The following PARM1 variants were observed in gnomAD, a reference collection of about 807,000 sequenced individuals.
PARM1 encodes the protein prostate androgen-regulated mucin-like protein 1.
A neutral mutation model predicts 24.6 loss-of-function variants in PARM1; 14 were observed. That is an observed-to-expected ratio of 0.57 (90% CI 0.38 to 0.89). The LOEUF is 0.89. Among genes scored for constraint, PARM1 ranks in the 40% least tolerant of loss-of-function variants. The pLI, the probability that PARM1 is intolerant of heterozygous loss-of-function variation, is 0.00. For synonymous variants in PARM1, 179 were observed against 156.6 expected, an observed-to-expected ratio of 1.14 and a Z score of -1.07; for missense variants, 362 against 380.4, an observed-to-expected ratio of 0.95 and a Z score of 0.40.
intron 1 of PARM1, among the ~76,000 whole-genome samples, chr4:74,978,598 G>A (rs1227992081): frequency 6.6e-6 from 1 of 152,100 alleles, no homozygotes; most frequent in East Asian, 1.9e-4. Flanking sequence ...ACTCAGCTCT[G>A]GATCAAATGG....
At chr4:74,942,107 T>G (rs1721321162) in intron 1 of PARM1, among the ~76,000 whole-genome samples, 1 of 152,228 alleles carries the variant, frequency 6.6e-6, no homozygotes, top group African/African-American at 2.4e-5. Flanking sequence ...CTATCAAGTA[T>G]GTATACCAAC....
chr4:75,012,968 C>T lies in PARM1; in HGVS notation c.587C>T (p.Pro196Leu), dbSNP rs137870410. 1.4e-3 allele frequency: 2,291 copies of T among 1,613,942 alleles called. 3 individuals are homozygous for T. Among genetic ancestry groups the T allele is most frequent in the Non-Finnish European group, 1.7e-3 (2,045 of 1,179,870 alleles). The change falls in exon 2 of 4, where the codon CCG (proline) becomes CTG (leucine). Residue 196 changes from proline (P) to leucine (L), a missense_variant. By Grantham distance (98) the Pro-to-Leu change is moderately conservative. Coordinates refer to ENST00000307428, the MANE Select transcript of PARM1 (RefSeq NM_015393.4). ...PTGAPTAPES[P>L]TEESSSDHTP... ...GGAGCTCCAACTGCACCAGAGTCCC[C>T]GACAGAGGAGTCCAGCTCTGACCAC...
Position 75,013,110 on chromosome 4 carries a change from C to A in PARM1, c.729C>A (p.Pro243=). 1 of 1,613,858 alleles carries A rather than the reference C, an allele frequency of 6.2e-7. No homozygotes were observed. The highest frequency in any genetic ancestry group is 1.1e-5 in the South Asian group (1 of 91,072). Residue 243 remains proline (P), a synonymous_variant, in exon 2 of 4, where the codon CCC becomes CCA. Transcript: ENST00000307428. ...ACATGGAGACCACCACCACCTTTCC[C>A]AGGGTGATCATGCAGGAAGTAGAAC... is the stretch of plus-strand genomic sequence containing the variant. ...LIDMETTTTF[P]RVIMQEVEHA... is the part of the protein sequence containing the mutation.
At chr4:75,043,456 G>A (rs1305796094) in intron 3 of PARM1, among the ~76,000 whole-genome samples, 1 of 152,138 alleles carries the variant, frequency 6.6e-6, no homozygotes, top group East Asian at 1.9e-4. Flanking sequence ...GAAACAGGGG[G>A]TTAAAAACTT....
intron 1 of PARM1, among the ~76,000 whole-genome samples, chr4:74,964,390 G>T (rs1703888543): frequency 6.6e-6 from 1 of 152,152 alleles, no homozygotes; most frequent in South Asian, 2.1e-4. Context: ...GAACATTCCT[G>T]CAGGCCCTGC....
chr4:74,996,222 T>G (rs1722574232), intron 1 of PARM1, among the ~76,000 whole-genome samples: 1 of 152,078 alleles, frequency 6.6e-6, no homozygotes, highest in Non-Finnish European at 1.5e-5. Context: ...TATACCACAT[T>G]CTAACTTCAT....
chr4:74,980,775 A>G (rs1296412370), intron 1 of PARM1, among the ~76,000 whole-genome samples: 1 of 152,196 alleles, frequency 6.6e-6, no homozygotes. Flanking sequence ...AAGCAGACAC[A>G]TAGACCAATG....
At position 75,013,044 on chromosome 4, in the gene PARM1, C is replaced by T; in HGVS notation, c.663C>T (p.Pro221=). The T allele has an allele frequency of 6.2e-7, 1 of 1,613,990 alleles. No individual in the cohort carries two copies. ...AGCCAGTACCCCAGGAGAAAACACC[C>T]CCAACAACTGTGTCAGGCAAAGTGA... ...TAEPVPQEKT[P]PTTVSGKVMC... is the part of the protein sequence containing the mutation. The change falls in exon 2 of 4, where the codon CCC becomes CCT. Residue 221 remains proline (P), a synonymous_variant. Coordinates refer to ENST00000307428, the MANE Select transcript of PARM1 (RefSeq NM_015393.4).
intron 3 of PARM1, among the ~76,000 whole-genome samples, chr4:75,041,167 C>T (rs940888083): frequency 1.3e-5 from 2 of 152,064 alleles, no homozygotes; most frequent in African/African-American, 2.4e-5. Context: ...TAGAATAGGG[C>T]CTGATAGATG....
chr4:74,972,289 T>C (rs556299921), intron 1 of PARM1, among the ~76,000 whole-genome samples: 1 of 152,196 alleles, frequency 6.6e-6, no homozygotes, highest in Non-Finnish European at 1.5e-5. Flanking sequence ...AAACATTGGA[T>C]TTGTTTTGTT....
chr4:74,979,424 C>T (rs1288563965), intron 1 of PARM1, among the ~76,000 whole-genome samples: 1 of 152,120 alleles, frequency 6.6e-6, no homozygotes, highest in Non-Finnish European at 1.5e-5. Context: ...GAAGTTGAAT[C>T]CCTGAATAGA....
At chr4:75,001,141 A>G (rs1278100902) in intron 1 of PARM1, among the ~76,000 whole-genome samples, 1 of 152,204 alleles carries the variant, frequency 6.6e-6, no homozygotes, top group Non-Finnish European at 1.5e-5. Flanking sequence ...AGAATATGGC[A>G]TGTAATAAGC....
At chr4:75,007,867 G>T (rs969567709) in intron 1 of PARM1, among the ~76,000 whole-genome samples, 6 of 152,334 alleles carry the variant, frequency 3.9e-5, no homozygotes, top group African/African-American at 1.4e-4. Flanking sequence ...GAAAGGTCAC[G>T]TGAGGACACA....
rs764261196 is a variant in PARM1, at chr4:75,013,048, A to G, written c.667A>G (p.Thr223Ala). Residue 223 changes from threonine (T) to alanine (A), a missense_variant, in exon 2 of 4, where the codon ACA becomes GCA. Thr to Ala is a moderately conservative substitution (Grantham distance 58). Coordinates refer to ENST00000307428, the MANE Select transcript of PARM1 (RefSeq NM_015393.4). ...EPVPQEKTPP[T>A]TVSGKVMCEL... ...AGTACCCCAGGAGAAAACACCCCCAACAACTGTGTCAGGCAAAGTGATGTG... is the reference window on the plus strand; with the variant it reads ...AGTACCCCAGGAGAAAACACCCCCAGCAACTGTGTCAGGCAAAGTGATGTG... 5 of 1,613,828 alleles carry G rather than the reference A, an allele frequency of 3.1e-6. No homozygotes were observed. The African/African-American group carries it at 5.3e-5, about 17-fold the overall frequency.
chr4:75,011,045 A>G (rs550105146), intron 1 of PARM1, among the ~76,000 whole-genome samples: 2 of 152,154 alleles, frequency 1.3e-5, no homozygotes, highest in African/African-American at 2.4e-5. Flanking sequence ...AAGAGAGTGT[A>G]GGTGGGAGGT....
intron 1 of PARM1, among the ~76,000 whole-genome samples, chr4:74,933,926 C>T (rs1356577414): frequency 6.6e-6 from 1 of 152,202 alleles, no homozygotes; most frequent in Non-Finnish European, 1.5e-5. Flanking sequence ...CTAACAGCAG[C>T]GGCCCGGCCT....
At chr4:74,962,584 T>C (rs1305648895) in intron 1 of PARM1, among the ~76,000 whole-genome samples, 2 of 152,072 alleles carry the variant, frequency 1.3e-5, no homozygotes, top group African/African-American at 2.4e-5. Context: ...AAGACACAAA[T>C]AGGTTAAAAG....
intron 1 of PARM1, among the ~76,000 whole-genome samples, chr4:74,949,766 G>A (rs1480045171): frequency 6.6e-6 from 1 of 151,846 alleles, no homozygotes; most frequent in Non-Finnish European, 1.5e-5. Context: ...AACATGAGAT[G>A]GCAAACATGT....
intron 1 of PARM1, among the ~76,000 whole-genome samples, chr4:75,003,675 T>C (rs181693086): frequency 9.2e-5 from 14 of 152,328 alleles, no homozygotes; most frequent in African/African-American, 3.1e-4. Flanking sequence ...AAATACCATA[T>C]GGTTGGACCA....
Sources: allele counts gnomAD v4.1 joint callset (sites outside exome capture counted in the v4.1 genomes callset), GRCh38; gene constraint gnomAD v4.1.1; transcripts MANE v1.5; gene names NCBI Gene and HGNC (gene_info 2026-07-23, HGNC 2026-07-21).